PTPA: variants seen among roughly 807,000 people sequenced by gnomAD.
The protein encoded by PTPA is protein phosphatase 2 phosphatase activator.
PTPA carries 13 observed loss-of-function variants against 43.6 expected under a neutral mutation model. The ratio of observed to expected loss-of-function variants is 0.30; its 90% confidence interval spans 0.19 to 0.47. The LOEUF (loss-of-function observed/expected upper bound fraction) is 0.47, where lower values mean the gene tolerates loss of function less well. PTPA is among the 20% of genes least tolerant of loss of function. PTPA has a pLI of 0.99. For synonymous variants in PTPA, 172 were observed against 158.2 expected, an observed-to-expected ratio of 1.09 and a Z score of -0.66; for missense variants, 329 against 411.9, an observed-to-expected ratio of 0.80 and a Z score of 1.74.
chr9:129,144,509 T>C (rs978413586), intron 9 of PTPA, among the ~76,000 whole-genome samples: 34 of 150,222 alleles, frequency 2.3e-4, no homozygotes, highest in Non-Finnish European at 7.4e-5. Flanking sequence ...GAGGCCGAGG[T>C]GGGCGGATCA....
At chr9:129,114,315 G>A (rs1163038913) in intron 1 of PTPA, among the ~76,000 whole-genome samples, 1 of 152,218 alleles carries the variant, frequency 6.6e-6, no homozygotes, top group Admixed American at 6.5e-5. Context: ...GAGCCACCGC[G>A]CCCGGCGAGA....
intron 3 of PTPA, among the ~76,000 whole-genome samples, chr9:129,126,693 A>C (rs577354663): frequency 6.6e-6 from 1 of 152,182 alleles, no homozygotes; most frequent in African/African-American, 2.4e-5. Context: ...ACACTGGCCT[A>C]GGGAGAATGG....
chr9:129,126,487 TC>T (rs1849589078), intron 3 of PTPA, among the ~76,000 whole-genome samples: 2 of 152,116 alleles, frequency 1.3e-5, no homozygotes, highest in South Asian at 4.1e-4. Context: ...GCCAGCTAGC[TC>T]TTATTTTAAA....
At chr9:129,116,984 A>G (rs1588485072) in intron 1 of PTPA, among the ~76,000 whole-genome samples, 2 of 152,202 alleles carry the variant, frequency 1.3e-5, no homozygotes, top group East Asian at 3.9e-4. Flanking sequence ...TCTTCTTTCT[A>G]CAAGTTATGA....
chr9:129,124,643 T>C (rs946256040), intron 3 of PTPA, among the ~76,000 whole-genome samples: 2 of 152,160 alleles, frequency 1.3e-5, no homozygotes, highest in Non-Finnish European at 2.9e-5. Flanking sequence ...GCTGTTTGCT[T>C]TTGCTGGATG....
At chr9:129,117,702 G>T (rs1223259945) in intron 1 of PTPA, among the ~76,000 whole-genome samples, 1 of 102,968 alleles carries the variant, frequency 9.7e-6, no homozygotes, top group African/African-American at 2.9e-5. Context: ...ACCACACCCA[G>T]CCTCTTTTTT....
intron 3 of PTPA, among the ~76,000 whole-genome samples, chr9:129,125,411 C>T (rs140519073): frequency 6.1e-4 from 93 of 152,142 alleles, no homozygotes; most frequent in Non-Finnish European, 9.6e-4. Context: ...ACCACCACAC[C>T]CGGCTAATTT....
chr9:129,142,424 C>G, intron 8 of PTPA, 21 bp from the exon 9 acceptor site: 1 of 1,550,754 alleles, frequency 6.4e-7, no homozygotes, highest in Non-Finnish European at 8.7e-7. Context: ...GTCTCTTCAG[C>G]TTGTGGCTTC....
chr9:129,142,365 G>T, intron 8 of PTPA, 80 bp from the exon 9 acceptor site: 1 of 1,273,988 alleles, frequency 7.8e-7, no homozygotes, highest in Non-Finnish European at 1.1e-6. Context: ...TGCATGCATG[G>T]GTGTGACTTT....
At position 129,122,973 on chromosome 9, in the gene PTPA, C is replaced by G; in HGVS notation, c.130-79C>G. On this transcript the variant is annotated intron_variant, in intron 2 of 9. Coordinates refer to ENST00000393370, the MANE Select transcript of PTPA (RefSeq NM_178000.3). Reference sequence around the variant, plus strand: ...TAGAAAGCTCGGAGCTCTTTGGTAACCTGGTGGAGCTCGGGGCAGGTGGGG... The same window carrying G: ...TAGAAAGCTCGGAGCTCTTTGGTAAGCTGGTGGAGCTCGGGGCAGGTGGGG... 4 of 1,119,944 alleles carry G rather than the reference C, an allele frequency of 3.6e-6. No homozygotes were observed. In the South Asian group the frequency reaches 5.1e-5, roughly 14 times the overall value. The allele number at this position is 1,119,944 out of a possible 1,614,324, so 69.4% of individuals were successfully genotyped here.
intron 9 of PTPA, among the ~76,000 whole-genome samples, chr9:129,146,763 A>G (rs887097638): frequency 6.6e-6 from 1 of 152,148 alleles, no homozygotes; most frequent in Non-Finnish European, 1.5e-5. Flanking sequence ...CTCCTCTGCT[A>G]GGAGCCCGGG....
At chr9:129,130,186 C>T (rs1588508557) in intron 4 of PTPA, among the ~76,000 whole-genome samples, 5 of 152,168 alleles carry the variant, frequency 3.3e-5, no homozygotes, top group East Asian at 1.9e-4. Flanking sequence ...TCTAGAAAAG[C>T]AGAGTCTACA....
At chr9:129,114,199 T>G (rs1325583377) in intron 1 of PTPA, among the ~76,000 whole-genome samples, 2 of 152,154 alleles carry the variant, frequency 1.3e-5, no homozygotes, top group Non-Finnish European at 2.9e-5. Flanking sequence ...TTTTTTGTAT[T>G]TTTAGTAGAG....
At chr9:129,120,289 T>A (rs959500160) in intron 1 of PTPA, among the ~76,000 whole-genome samples, 1 of 150,632 alleles carries the variant, frequency 6.6e-6, no homozygotes, top group Admixed American at 6.6e-5. Flanking sequence ...CTGGGTGTGG[T>A]GGCACGTGCC....
intron 3 of PTPA, among the ~76,000 whole-genome samples, chr9:129,124,556 C>T (rs1431059979): frequency 1.3e-5 from 2 of 152,012 alleles, no homozygotes; most frequent in African/African-American, 2.4e-5. Context: ...GACGTTGTTT[C>T]AGAGATAGTT....
intron 4 of PTPA, among the ~76,000 whole-genome samples, chr9:129,131,134 T>C (rs1448378954): frequency 2.0e-5 from 3 of 152,238 alleles, no homozygotes; most frequent in Non-Finnish European, 2.9e-5. Context: ...GCACGTCTTT[T>C]GATGGCACAT....
intron 5 of PTPA, among the ~76,000 whole-genome samples, 161 bp from the exon 6 acceptor site, chr9:129,134,634 G>GGGCCTA (rs1425011805): frequency 2.0e-5 from 3 of 152,068 alleles, no homozygotes; most frequent in African/African-American, 7.2e-5. Context: ...TGAAAGGAAA[G>GGGCCTA]GGCCTAGCAA....
intron 1 of PTPA, among the ~76,000 whole-genome samples, chr9:129,112,222 C>G (rs753267111): frequency 3.9e-5 from 6 of 152,182 alleles, no homozygotes; most frequent in Non-Finnish European, 7.3e-5. Context: ...GTTAGTCTCT[C>G]CGGCATCTCC....
At chr9:129,111,279 G>A (rs1230303311), upstream of PTPA, 16 of 1,209,364 alleles carry the variant, frequency 1.3e-5, no homozygotes, top group Non-Finnish European at 1.7e-5. Flanking sequence ...CGTTCGGGCG[G>A]CCGTGAGCGG....
Sources: gnomAD v4.1 joint callset for allele counts (sites outside exome capture counted in the v4.1 genomes callset) on GRCh38, gnomAD v4.1.1 for gene constraint, MANE v1.5 for transcripts, NCBI Gene and HGNC (gene_info 2026-07-23, HGNC 2026-07-21) for gene names.